MUSK: variants seen among roughly 807,000 people sequenced by gnomAD.
The protein encoded by MUSK is muscle associated receptor tyrosine kinase.
In MUSK, 55 loss-of-function variants were observed where a neutral mutation model predicts 88.7. The ratio of observed to expected loss-of-function variants is 0.62; its 90% CI spans 0.50 to 0.78. The LOEUF (loss-of-function observed/expected upper bound fraction) is 0.78. Ranked by LOEUF, MUSK falls within the 30% of genes least tolerant of loss-of-function variation. MUSK has a pLI of 0.00. For synonymous variants in MUSK, 387 were observed against 391.9 expected, an observed-to-expected ratio of 0.99 and a Z score of 0.15; for missense variants, 1,015 against 1,074.3, an observed-to-expected ratio of 0.94 and a Z score of 0.77.
Position 110,682,015 on chromosome 9 carries a change from G to A in MUSK, c.80-659G>A, listed in dbSNP as rs921231989. Among the ~76,000 whole-genome samples the A allele has an allele frequency of 5.9e-5, 9 of 151,936 alleles. 1 individual carries two copies. The South Asian group carries it at 6.2e-4, about 11-fold the overall frequency. ...CTGTTGTCTTAAAAAAAATAAAATA[G>A]AACAAAACAGCTTTGAGATCTAATT... is the stretch of plus-strand genomic sequence containing the variant. On this transcript the variant is annotated intron_variant, in intron 1 of 14. Transcript: ENST00000374448.
Position 110,801,837 on chromosome 9 carries a change from T to C in MUSK, c.*849T>C, listed in dbSNP as rs2078101709. ...AGGACTTCTGTCCTTTTTTAGTTAT[T>C]AAGCTATTTTTTTCTTTTATTTCAT... is the stretch of plus-strand genomic sequence containing the variant. On this transcript the variant is annotated 3_prime_UTR_variant, in exon 15 of 15. Coordinates refer to ENST00000374448, the MANE Select transcript of MUSK (RefSeq NM_005592.4). 6.6e-6 allele frequency among the ~76,000 whole-genome samples: 1 copy of C among 152,242 alleles called. No homozygotes were observed.
intron 10 of MUSK, 137 bp from the exon 11 acceptor site, chr9:110,776,495 C>A (rs1191293275): frequency 2.8e-6 from 2 of 703,622 alleles, no homozygotes; most frequent in Non-Finnish European, 4.9e-6. Flanking sequence ...CTTTCACATT[C>A]GAATGCAAAG....
chr9:110,690,192 A>ATATAAATATATATAAATATATATTTAAG (rs1348038702), intron 3 of MUSK, among the ~76,000 whole-genome samples: 51 of 17,576 alleles, frequency 2.9e-3, no homozygotes, highest in African/African-American at 4.3e-3. Flanking sequence ...ATTTAAGTAT[A>ATATAAATATATATAAATATATATTTAAG]TATAAATATA....
chr9:110,763,525 C>T (rs1294001334), intron 8 of MUSK, among the ~76,000 whole-genome samples: 3 of 152,130 alleles, frequency 2.0e-5, no homozygotes, highest in Admixed American at 6.5e-5. Flanking sequence ...AAATTATATA[C>T]AAAGACACTA....
chr9:110,762,351 C>T (rs2077414903), intron 8 of MUSK, 143 bp downstream of exon 8: 1 of 492,462 alleles, frequency 2.0e-6, no homozygotes, highest in Non-Finnish European at 3.4e-6. Flanking sequence ...TTTGACATGC[C>T]ATTTATTGAG....
intron 5 of MUSK, among the ~76,000 whole-genome samples, chr9:110,705,164 A>G (rs1288766682): frequency 2.0e-5 from 3 of 152,196 alleles, no homozygotes; most frequent in Non-Finnish European, 4.4e-5. Context: ...TTTTTGATAA[A>G]GTAACATGAA....
intron 8 of MUSK, among the ~76,000 whole-genome samples, chr9:110,762,618 G>A (rs1381244334): frequency 6.6e-6 from 1 of 152,088 alleles, no homozygotes; most frequent in Admixed American, 6.6e-5. Flanking sequence ...GAGAGTTCAA[G>A]TGGCTTACAC....
At chr9:110,775,746 T>C (rs753090829) in intron 9 of MUSK, 42 bp from the exon 10 acceptor site, 92 of 1,585,138 alleles carry the variant, frequency 5.8e-5, no homozygotes, top group Non-Finnish European at 7.5e-5. Flanking sequence ...TGCTTTAACA[T>C]GTAATGATTC....
chr9:110,683,817 T>C (rs1318599821), intron 2 of MUSK, among the ~76,000 whole-genome samples: 1 of 152,152 alleles, frequency 6.6e-6, no homozygotes, highest in Non-Finnish European at 1.5e-5. Context: ...TGCCTATTTT[T>C]GATTGGATTA....
At chr9:110,770,381 T>C (rs2077553758) in intron 9 of MUSK, among the ~76,000 whole-genome samples, 2 of 146,268 alleles carry the variant, frequency 1.4e-5, no homozygotes, top group Admixed American at 6.9e-5. Context: ...ATATAACTAA[T>C]TATAAGCTAT....
intron 7 of MUSK, among the ~76,000 whole-genome samples, chr9:110,751,258 C>T (rs1466528955): frequency 6.6e-6 from 1 of 152,118 alleles, no homozygotes; most frequent in Non-Finnish European, 1.5e-5. Flanking sequence ...ATAAACGGAA[C>T]ACCAACAGGG....
chr9:110,730,190 A>G (rs1405539761), intron 5 of MUSK, among the ~76,000 whole-genome samples: 3 of 143,618 alleles, frequency 2.1e-5, no homozygotes, highest in South Asian at 2.1e-4. Flanking sequence ...GAGAAAACCC[A>G]GAGTTAAATA....
intron 1 of MUSK, among the ~76,000 whole-genome samples, chr9:110,669,753 A>G (rs1462594904): frequency 6.6e-6 from 1 of 152,194 alleles, no homozygotes; most frequent in Non-Finnish European, 1.5e-5. Context: ...GAAAGACTGG[A>G]AAGTCTGTGA....
chr9:110,689,131 C>CATAAATAAACTATATATTTATATAAAAT (rs1435067852), intron 3 of MUSK, among the ~76,000 whole-genome samples: 7 of 125,156 alleles, frequency 5.6e-5, no homozygotes, highest in African/African-American at 1.2e-4. Flanking sequence ...ATATAAACTA[C>CATAAATAAACTATATATTTATATAAAAT]ATAAATAAAC....
intron 2 of MUSK, among the ~76,000 whole-genome samples, chr9:110,685,572 C>T (rs2076185387): frequency 1.3e-5 from 2 of 152,282 alleles, no homozygotes; most frequent in African/African-American, 4.8e-5. Flanking sequence ...TTCCACATAA[C>T]TGCAGGACAC....
chr9:110,775,679 G>T lies in MUSK; in HGVS notation c.1185-109G>T, dbSNP rs879592187. The T allele has an allele frequency of 5.6e-6, 6 of 1,066,772 alleles. No individual in the cohort carries two copies. In the East Asian group the frequency reaches 1.5e-4, roughly 26 times the overall value. The allele number at this position is 1,066,772 out of a possible 1,614,324, so 66.1% of individuals were successfully genotyped here. A position where few individuals can be genotyped will look rare whatever the true frequency, so the allele number is the denominator to read the frequency against. ...TCTTTCATAAACGCGCTTTTTTCAAGAACAATTTACCATGATGATGTCTTG... is the reference window on the plus strand; with the variant it reads ...TCTTTCATAAACGCGCTTTTTTCAATAACAATTTACCATGATGATGTCTTG... On this transcript the variant is annotated intron_variant, in intron 9 of 14. Transcript: ENST00000374448.
chr9:110,781,040 G>T (rs1210435165), intron 11 of MUSK, among the ~76,000 whole-genome samples: 4 of 152,030 alleles, frequency 2.6e-5, no homozygotes, highest in African/African-American at 9.7e-5. Context: ...TGGTATACAA[G>T]GACTTTTATC....
intron 1 of MUSK, among the ~76,000 whole-genome samples, chr9:110,670,628 G>A (rs2075945440): frequency 6.6e-6 from 1 of 152,012 alleles, no homozygotes; most frequent in South Asian, 2.1e-4. Flanking sequence ...GAAATATAGT[G>A]GCATAGAGAT....
chr9:110,773,188 A>T (rs1010266542), intron 9 of MUSK, among the ~76,000 whole-genome samples: 1 of 152,242 alleles, frequency 6.6e-6, no homozygotes, highest in Non-Finnish European at 1.5e-5. Flanking sequence ...AACAACTTAT[A>T]TATAACTTTA....
Sources: allele counts gnomAD v4.1 joint callset (sites outside exome capture counted in the v4.1 genomes callset), GRCh38; gene constraint gnomAD v4.1.1; transcripts MANE v1.5; gene names NCBI Gene and HGNC (gene_info 2026-07-23, HGNC 2026-07-21).